The following PCDHGA10 variants were observed in gnomAD, a reference collection of about 807,000 sequenced individuals.
The protein encoded by PCDHGA10 is protocadherin gamma subfamily A, 10, also known as protocadherin gamma-A10.
A neutral mutation model predicts 59.5 loss-of-function variants in PCDHGA10; 42 were observed. The ratio of observed to expected loss-of-function variants is 0.71; its 90% CI spans 0.55 to 0.91. The LOEUF is 0.91. Ranked by LOEUF, PCDHGA10 falls within the 40% of genes least tolerant of loss-of-function variation. The pLI is 0.00. For synonymous variants in PCDHGA10, 511 were observed against 517.2 expected, an observed-to-expected ratio of 0.99 and a Z score of 0.16; for missense variants, 1,111 against 1,198.2, an observed-to-expected ratio of 0.93 and a Z score of 1.07.
chr5:141,500,367 C>A (rs953610460), intron 2 of PCDHGA10, among the ~76,000 whole-genome samples: 7 of 151,940 alleles, frequency 4.6e-5, no homozygotes, highest in African/African-American at 1.7e-4. Context: ...CACTACCACG[C>A]CCGGCTAATT....
chr5:141,458,718 C>T (rs569153299), intron 1 of PCDHGA10, among the ~76,000 whole-genome samples: 3 of 151,942 alleles, frequency 2.0e-5, no homozygotes, highest in African/African-American at 4.8e-5. Context: ...TACAGGTATT[C>T]GCCACCACAT....
rs564582881 is a variant in PCDHGA10, at chr5:141,432,735, C to T, written c.2436+17124C>T. ...CAGCCCCCTCTCTCCGCCACTGTCA[C>T]GCTCACCGTGGCCGTGGCCGACAGC... On this transcript the variant is annotated intron_variant, in intron 1 of 3. Coordinates refer to ENST00000398610, the MANE Select transcript of PCDHGA10 (RefSeq NM_018913.3). This position sits in a 1 kb window ranked among gnomAD's most constrained non-coding sequence, Gnocchi z 6.0. 2 of 1,614,094 alleles carry T rather than the reference C, an allele frequency of 1.2e-6. No individual in the cohort carries two copies. The highest frequency in any genetic ancestry group is 1.1e-5 in the South Asian group (1 of 91,086).
At chr5:141,421,930 G>A (rs780569992) in intron 1 of PCDHGA10, 1 of 1,613,480 alleles carries the variant, frequency 6.2e-7, no homozygotes, top group Non-Finnish European at 8.5e-7. Flanking sequence ...GGTGGTCCTC[G>A]ATGTAAATGA....
Position 141,491,636 on chromosome 5 carries a change from C to T in PCDHGA10, c.2437-3171C>T. ...AGACCCCTCAGCGTTCAGCAGCCCA[C>T]AGCTCTGGCGCTGGAGCCTGACGCC... On this transcript the variant is annotated intron_variant, in intron 1 of 3. Coordinates refer to ENST00000398610, the MANE Select transcript of PCDHGA10 (RefSeq NM_018913.3). This position sits in a 1 kb window ranked among gnomAD's most constrained non-coding sequence, Gnocchi z 6.9. 6.2e-7 allele frequency: 1 copy of T among 1,613,922 alleles called. No homozygotes were observed. Among genetic ancestry groups the T allele is most frequent in the Non-Finnish European group, 8.5e-7 (1 of 1,180,020 alleles).
rs61612330 is a variant in PCDHGA10, at chr5:141,454,796, A to ATTTTTTTTTTTTTTTTTT, written c.2436+39197_2436+39214dup. Reference sequence around the variant, plus strand: ...AAGGAAATAATCCTCCATGGTTCTAATTTTTTTTTTTTTTTTTTTTTTTTT... The same window carrying ATTTTTTTTTTTTTTTTTT: ...AAGGAAATAATCCTCCATGGTTCTAATTTTTTTTTTTTTTTTTTTTTTTTTTTTTTTTTTTTTTTTTTT... On this transcript the variant is annotated intron_variant, in intron 1 of 3. Coordinates refer to ENST00000398610, the MANE Select transcript of PCDHGA10 (RefSeq NM_018913.3). 9.0e-4 allele frequency among the ~76,000 whole-genome samples: 70 copies of ATTTTTTTTTTTTTTTTTT among 77,458 alleles called. 9 individuals carry two copies. Among genetic ancestry groups the ATTTTTTTTTTTTTTTTTT allele is most frequent in the Non-Finnish European group, 1.1e-3 (48 of 42,814 alleles). The allele number at this position is 77,458 out of a possible 152,430, so 50.8% of individuals were successfully genotyped here. A position where few individuals can be genotyped will look rare whatever the true frequency, so the allele number is the denominator to read the frequency against.
In PCDHGA10 at chr5:141,476,210, G is replaced by A; in HGVS notation, c.2437-18597G>A. ...TGGTGCCTTGAACAAGGCTTCCACG[G>A]TCATTCACTATGAGATCCCGGAGGA... is the stretch of plus-strand genomic sequence containing the variant. On this transcript the variant is annotated intron_variant, in intron 1 of 3. Coordinates refer to ENST00000398610, the MANE Select transcript of PCDHGA10 (RefSeq NM_018913.3). The surrounding 1 kb of genome is among the most constrained non-coding windows in gnomAD (Gnocchi z 7.6). 6.2e-7 allele frequency: 1 copy of A among 1,614,012 alleles called. No individual in the cohort carries two copies. Among genetic ancestry groups the A allele is most frequent in the Non-Finnish European group, 8.5e-7 (1 of 1,180,012 alleles).
chr5:141,480,336 G>A (rs755963190), intron 1 of PCDHGA10, among the ~76,000 whole-genome samples: 1 of 151,988 alleles, frequency 6.6e-6, no homozygotes, highest in Non-Finnish European at 1.5e-5. Flanking sequence ...AATTGCTTGA[G>A]CCTGGGAGGT....
Position 141,487,322 on chromosome 5 carries a change from C to T in PCDHGA10, c.2437-7485C>T, listed in dbSNP as rs760334964. 7.4e-6 allele frequency: 12 copies of T among 1,614,134 alleles called. No homozygotes were observed. Among genetic ancestry groups the T allele is most frequent in the South Asian group, 3.3e-5 (3 of 91,082 alleles). ...CGTGGCACTACTCTCTAAGTGTCTT[C>T]GTGGGGCAGCCTGTGGAGTCACATG... On this transcript the variant is annotated intron_variant, in intron 1 of 3. Coordinates refer to ENST00000398610, the MANE Select transcript of PCDHGA10 (RefSeq NM_018913.3). The surrounding 1 kb of genome is among the most constrained non-coding windows in gnomAD (Gnocchi z 5.0).
rs756347396 is a variant in PCDHGA10, at chr5:141,415,028, C to T, written c.1853C>T (p.Pro618Leu). 3.1e-6 allele frequency: 5 copies of T among 1,613,524 alleles called. No individual in the cohort carries two copies. Among genetic ancestry groups the T allele is most frequent in the Middle Eastern group, 1.7e-4 (1 of 6,002 alleles). Residue 618 changes from proline to leucine, a missense_variant, in exon 1 of 4, where the codon CCG becomes CTG. Physicochemically the swap from Pro to Leu is moderately conservative, Grantham distance 98 (BLOSUM62 -3). Transcript: ENST00000398610. The stretch of plus-strand genomic sequence containing the variant: ...TACCGTCTGCTCAAGGCCAGCGAGC[C>T]GGGACTCTTCGCGGTGGGGGAGCAC... ...LSYRLLKASEPGLFAVGEHTG... is the reference protein window; with the variant it reads ...LSYRLLKASELGLFAVGEHTG...
chr5:141,455,148 A>G (rs6897410), intron 1 of PCDHGA10, among the ~76,000 whole-genome samples: 9,268 of 149,002 alleles, frequency 0.062, 567 homozygotes, highest in African/African-American at 0.16. Flanking sequence ...TTAAATAAAT[A>G]TTAGTTTGTT....
chr5:141,457,058 T>A (rs756862311), intron 1 of PCDHGA10, among the ~76,000 whole-genome samples: 2 of 152,230 alleles, frequency 1.3e-5, no homozygotes, highest in Non-Finnish European at 2.9e-5. Flanking sequence ...TCATGCTTCC[T>A]TTTTGCCAGT....
intron 1 of PCDHGA10, chr5:141,419,137 CAG>C (rs1561778402): frequency 1.2e-6 from 2 of 1,613,892 alleles, no homozygotes; most frequent in South Asian, 1.1e-5. Context: ...CAGCCACAGA[CAG>C]GGGCAAGCCT....
intron 1 of PCDHGA10, among the ~76,000 whole-genome samples, chr5:141,449,229 A>G (rs1356585763): frequency 1.3e-5 from 2 of 152,142 alleles, no homozygotes; most frequent in South Asian, 2.1e-4. Context: ...AATGATTTCA[A>G]ATTTTCAAAG....
chr5:141,441,891 G>A, intron 1 of PCDHGA10: 1 of 348,040 alleles, frequency 2.9e-6, no homozygotes, highest in East Asian at 9.1e-5. Flanking sequence ...TCACCAAGGT[G>A]GTGGCTGTAG....
chr5:141,485,340 C>A lies in PCDHGA10; in HGVS notation c.2437-9467C>A. 1 of 1,614,076 alleles carries A rather than the reference C, an allele frequency of 6.2e-7. No individual in the cohort carries two copies. On this transcript the variant is annotated intron_variant, in intron 1 of 3. Transcript: ENST00000398610. The surrounding 1 kb of genome is among the most constrained non-coding windows in gnomAD (Gnocchi z 5.7). ...GTCGCTCAAGATTTCCTGCTGGATA[C>A]GGACAGTCTGTCAGCTCGCAGGCTG...
chr5:141,431,405 G>A lies in PCDHGA10; in HGVS notation c.2436+15794G>A, dbSNP rs2097369508. Reference sequence around the variant, plus strand: ...TCACCACCTGGTCCTTACGGCCTCCGACGGGGGCGACCCGGTGCGCACAGG... The same window carrying A: ...TCACCACCTGGTCCTTACGGCCTCCAACGGGGGCGACCCGGTGCGCACAGG... On this transcript the variant is annotated intron_variant, in intron 1 of 3. Transcript: ENST00000398610. The surrounding 1 kb of genome is among the most constrained non-coding windows in gnomAD (Gnocchi z 4.8). 1 of 1,613,614 alleles carries A rather than the reference G, an allele frequency of 6.2e-7. No individual in the cohort carries two copies.
At chr5:141,501,409 A>G (rs1358547245) in intron 2 of PCDHGA10, among the ~76,000 whole-genome samples, 1 of 151,978 alleles carries the variant, frequency 6.6e-6, no homozygotes, top group African/African-American at 2.4e-5. Context: ...ACTGCTTGGA[A>G]AATAGTTGAC....
chr5:141,478,711 T>C, intron 1 of PCDHGA10: 3 of 1,547,346 alleles, frequency 1.9e-6, no homozygotes, highest in Non-Finnish European at 1.7e-6. Flanking sequence ...CTTTGTGAGA[T>C]GGTGGCCTGC....
At chr5:141,433,326 A>G in intron 1 of PCDHGA10, 1 of 726,596 alleles carries the variant, frequency 1.4e-6, no homozygotes. Context: ...CCGGTGTAAC[A>G]GGGACTACAG....
Sources: gnomAD v4.1 joint callset for allele counts (sites outside exome capture counted in the v4.1 genomes callset) on GRCh38, gnomAD v4.1.1 for gene constraint, Gnocchi (gnomAD v3.1) non-coding constraint, MANE v1.5 for transcripts, NCBI Gene and HGNC (gene_info 2026-07-23, HGNC 2026-07-21) for gene names.